GPC6: variants seen among roughly 807,000 people sequenced by gnomAD.
GPC6 encodes the protein glypican-6.
A neutral mutation model predicts 55.2 loss-of-function variants in GPC6; 14 were observed. That is an observed-to-expected ratio of 0.25 (90% confidence interval 0.17 to 0.40). The LOEUF is 0.40. Ranked by LOEUF, GPC6 falls within the 10% of genes least tolerant of loss-of-function variation. The probability of loss-of-function intolerance (pLI) is 1.00; values close to 1 mark genes in which losing one functional copy is unlikely to be tolerated. For missense variants in GPC6, 641 were observed against 708.5 expected (o/e 0.90, Z 1.08); for synonymous variants, 278 against 259.6 (o/e 1.07, Z -0.68).
chr13:93,240,821 T>C (rs543791167), intron 1 of GPC6, among the ~76,000 whole-genome samples: 5 of 152,174 alleles, frequency 3.3e-5, no homozygotes, highest in South Asian at 2.1e-4. Flanking sequence ...GCATTTCTTA[T>C]AGGTCCAGTC....
intron 3 of GPC6, among the ~76,000 whole-genome samples, chr13:93,929,726 C>A (rs970997372): frequency 2.0e-5 from 3 of 150,638 alleles, no homozygotes; most frequent in South Asian, 2.1e-4. Flanking sequence ...TGTCTAATAG[C>A]CCCATTAAAC....
intron 4 of GPC6, among the ~76,000 whole-genome samples, chr13:94,141,846 G>A (rs565615224): frequency 1.3e-5 from 2 of 152,104 alleles, no homozygotes; most frequent in East Asian, 3.9e-4. Context: ...GAATAAAGGG[G>A]AAGAACCAAA....
At chr13:93,216,801 C>T in the GPC6 span, among the ~76,000 whole-genome samples, 1 of 152,086 alleles carries the variant, frequency 6.6e-6, no homozygotes, top group Non-Finnish European at 1.5e-5. Flanking sequence ...CTGGAATTGG[C>T]AAGACAAAAT....
chr13:93,901,478 A>G (rs1162639612), intron 3 of GPC6, among the ~76,000 whole-genome samples: 3 of 152,150 alleles, frequency 2.0e-5, no homozygotes, highest in African/African-American at 7.2e-5. Context: ...TCCCGTTTAA[A>G]AAATATTTTT....
intron 3 of GPC6, among the ~76,000 whole-genome samples, chr13:93,891,006 G>A (rs1308930336): frequency 5.3e-5 from 8 of 151,768 alleles, no homozygotes; most frequent in African/African-American, 1.9e-4. Flanking sequence ...GATATAAAGA[G>A]GAGAAACAAC....
At chr13:93,959,918 A>T (rs752707115) in intron 3 of GPC6, among the ~76,000 whole-genome samples, 1 of 152,156 alleles carries the variant, frequency 6.6e-6, no homozygotes, top group Non-Finnish European at 1.5e-5. Flanking sequence ...CAGATAATCC[A>T]ATTTCCTTTC....
At chr13:94,183,347 G>A (rs541101221) in intron 4 of GPC6, among the ~76,000 whole-genome samples, 1 of 152,226 alleles carries the variant, frequency 6.6e-6, no homozygotes, top group South Asian at 2.1e-4. Flanking sequence ...TTAGCAAAAT[G>A]TTCTCAAGGT....
chr13:94,311,814 A>G (rs2139118686), intron 6 of GPC6, among the ~76,000 whole-genome samples: 1 of 152,256 alleles, frequency 6.6e-6, no homozygotes, highest in South Asian at 2.1e-4. Context: ...TGAGAAGGGG[A>G]CAGGGAAGAC....
At chr13:93,782,035 C>A (rs1053722118) in intron 2 of GPC6, among the ~76,000 whole-genome samples, 3 of 152,094 alleles carry the variant, frequency 2.0e-5, no homozygotes, top group African/African-American at 7.2e-5. Context: ...CAACAGATCT[C>A]TTGAACTTAC....
At chr13:93,886,773 T>C (rs1363297524) in intron 3 of GPC6, among the ~76,000 whole-genome samples, 1 of 149,432 alleles carries the variant, frequency 6.7e-6, no homozygotes, top group Non-Finnish European at 1.5e-5. Flanking sequence ...TTTTTTTTTT[T>C]CATATTTTTA....
chr13:94,232,580 T>G (rs1890764217), intron 4 of GPC6, among the ~76,000 whole-genome samples: 1 of 152,192 alleles, frequency 6.6e-6, no homozygotes, highest in South Asian at 2.1e-4. Context: ...GTTCAGTACC[T>G]TTTCTAGAAG....
chr13:93,334,491 C>G (rs965417086), intron 1 of GPC6, among the ~76,000 whole-genome samples: 2 of 152,232 alleles, frequency 1.3e-5, no homozygotes, highest in Admixed American at 1.3e-4. Flanking sequence ...GAGACAGAGT[C>G]TCACTCTGTT....
In GPC6 at chr13:93,882,306, C is replaced by A. The variant is rs544417374; in HGVS notation, c.711+51761C>A. 3.3e-5 allele frequency among the ~76,000 whole-genome samples: 5 copies of A among 151,914 alleles called. No individual in the cohort carries two copies. The East Asian group carries it at 9.7e-4, about 30-fold the overall frequency. ...GGACTACAGGCACGTGCCACTACAC[C>A]CAGCTAATTTTTGAATTTTGTGTAG... On this transcript the variant is annotated intron_variant, in intron 3 of 8. Coordinates refer to ENST00000377047, the MANE Select transcript of GPC6 (RefSeq NM_005708.5).
At chr13:93,305,796 A>G (rs1878836765) in intron 1 of GPC6, among the ~76,000 whole-genome samples, 1 of 152,148 alleles carries the variant, frequency 6.6e-6, no homozygotes, top group East Asian at 1.9e-4. Flanking sequence ...TTAGTTTCCT[A>G]TTTCCTAAAT....
chr13:93,406,234 C>T (rs568310640), intron 1 of GPC6, among the ~76,000 whole-genome samples: 25 of 152,096 alleles, frequency 1.6e-4, no homozygotes, highest in African/African-American at 3.9e-4. Flanking sequence ...TCATGCCACA[C>T]GATCAGTTAA....
At chr13:93,343,833 C>A (rs937983256) in intron 1 of GPC6, among the ~76,000 whole-genome samples, 1 of 152,030 alleles carries the variant, frequency 6.6e-6, no homozygotes, top group Non-Finnish European at 1.5e-5. Context: ...TCCTCTAATC[C>A]CCACCTGTCA....
chr13:93,746,527 T>C (rs1884406227), intron 2 of GPC6, among the ~76,000 whole-genome samples: 3 of 152,150 alleles, frequency 2.0e-5, no homozygotes, highest in Admixed American at 1.3e-4. Flanking sequence ...AAGCATACAC[T>C]TCCAATTTAT....
chr13:94,142,898 G>A lies in GPC6; in HGVS notation c.877+115004G>A, dbSNP rs372233904. 2.7e-4 allele frequency among the ~76,000 whole-genome samples: 41 copies of A among 151,126 alleles called. No individual in the cohort carries two copies. In the South Asian group the frequency reaches 2.9e-3, roughly 11 times the overall value. On this transcript the variant is annotated intron_variant, in intron 4 of 8. Transcript: ENST00000377047. ...GGCTGGAGTGCAGTGGCACGATCGC[G>A]GCTTACAGCAACCTCTGCCTCCTGG...
At chr13:93,709,608 G>C (rs914408173) in intron 2 of GPC6, among the ~76,000 whole-genome samples, 8 of 151,684 alleles carry the variant, frequency 5.3e-5, no homozygotes, top group Admixed American at 3.3e-4. Context: ...CTTTGTTTGT[G>C]CAGCTGAGCA....
Sources: gnomAD v4.1 joint callset for allele counts (sites outside exome capture counted in the v4.1 genomes callset) on GRCh38, gnomAD v4.1.1 for gene constraint, MANE v1.5 for transcripts, NCBI Gene and HGNC (gene_info 2026-07-23, HGNC 2026-07-21) for gene names.